Variants in TAMM41 observed in about 807,000 individuals in gnomAD.
TAMM41 encodes the protein phosphatidate cytidylyltransferase, mitochondrial.
In TAMM41, 36 loss-of-function variants were observed where a neutral mutation model predicts 44.1. That is an observed-to-expected ratio of 0.82 (90% CI 0.63 to 1.08). The LOEUF (loss-of-function observed/expected upper bound fraction) is 1.08, where lower values mean the gene tolerates loss of function less well. TAMM41 is among the 50% of genes least tolerant of loss of function. TAMM41 has a pLI of 0.00. For missense variants in TAMM41, 417 were observed against 404.3 expected (o/e 1.03, Z -0.27); for synonymous variants, 164 against 153.1 (o/e 1.07, Z -0.53).
chr3:11,727,448 C>T, the TAMM41 span, among the ~76,000 whole-genome samples: 1 of 152,172 alleles, frequency 6.6e-6, no homozygotes, highest in African/African-American at 2.4e-5. Context: ...GAAGCAACTG[C>T]TTGCTTACAG....
the TAMM41 span, among the ~76,000 whole-genome samples, chr3:11,784,644 G>A: frequency 1.3e-5 from 2 of 152,150 alleles, no homozygotes; most frequent in Non-Finnish European, 2.9e-5. Flanking sequence ...GTGGGTGGTG[G>A]TTAATGTTAT....
chr3:11,748,643 T>C, the TAMM41 span, among the ~76,000 whole-genome samples: 1 of 152,098 alleles, frequency 6.6e-6, no homozygotes, highest in African/African-American at 2.4e-5. Flanking sequence ...CCTCCCAAAG[T>C]GCTGGAATTA....
At chr3:11,828,548 G>T (rs899265126) in intron 4 of TAMM41, among the ~76,000 whole-genome samples, 1 of 152,178 alleles carries the variant, frequency 6.6e-6, no homozygotes, top group Non-Finnish European at 1.5e-5. Flanking sequence ...AGTATGGAAA[G>T]GTAATCACTC....
chr3:11,808,264 C>T, intron 6 of TAMM41: 1 of 1,066,430 alleles, frequency 9.4e-7, no homozygotes, highest in Non-Finnish European at 1.1e-6. Flanking sequence ...CAAATGATTA[C>T]ATCTACGAGA....
Position 11,800,250 on chromosome 3 carries a change from A to G in TAMM41, c.937+7583T>C, listed in dbSNP as rs2124931727. ...CAAGGACAAAAAGAGAAAAAGAAAG[A>G]AAACAAAGAATTTATAAAATAACTT... On this transcript the variant is annotated intron_variant, in intron 7 of 7. Coordinates refer to ENST00000455809, the MANE Select transcript of TAMM41 (RefSeq NM_001284401.2). Among the ~76,000 whole-genome samples, 3 of 152,308 alleles carry G rather than the reference A, an allele frequency of 2.0e-5. No homozygotes were observed. The Middle Eastern group carries it at 0.01, about 518-fold the overall frequency.
chr3:11,749,449 G>A, the TAMM41 span, among the ~76,000 whole-genome samples: 1 of 152,188 alleles, frequency 6.6e-6, no homozygotes, highest in Non-Finnish European at 1.5e-5. Context: ...AGGGTCCCCA[G>A]GAGAGCCCTC....
chr3:11,778,597 A>C, the TAMM41 span, among the ~76,000 whole-genome samples: 1 of 152,146 alleles, frequency 6.6e-6, no homozygotes, highest in Non-Finnish European at 1.5e-5. Context: ...CTGTAAAATA[A>C]CACTTGTTTT....
chr3:11,797,394 G>A (rs901066407), intron 7 of TAMM41, among the ~76,000 whole-genome samples: 1 of 152,158 alleles, frequency 6.6e-6, no homozygotes. Flanking sequence ...CAAGCAATGG[G>A]GAAAGAACTC....
the TAMM41 span, among the ~76,000 whole-genome samples, chr3:11,730,665 C>T: frequency 1.8e-4 from 26 of 148,316 alleles, no homozygotes; most frequent in Middle Eastern, 3.6e-3. Context: ...ACCTGGGAGG[C>T]GGAGGTTGCA....
At chr3:11,787,696 C>G (rs1016264541), downstream of TAMM41, among the ~76,000 whole-genome samples, 2 of 152,132 alleles carry the variant, frequency 1.3e-5, no homozygotes, top group African/African-American at 4.8e-5. Context: ...TTAATTCTAA[C>G]ACCAAACCTG....
chr3:11,820,735 T>C (rs929398864), intron 4 of TAMM41, among the ~76,000 whole-genome samples: 2 of 152,220 alleles, frequency 1.3e-5, no homozygotes, highest in African/African-American at 2.4e-5. Context: ...CCTTGGGAGA[T>C]TTGTTTTCAA....
At chr3:11,733,623 G>C in the TAMM41 span, among the ~76,000 whole-genome samples, 1 of 151,980 alleles carries the variant, frequency 6.6e-6, no homozygotes, top group African/African-American at 2.4e-5. Context: ...CTCCTGAGTA[G>C]CTGGGACTAC....
chr3:11,737,107 T>G, the TAMM41 span, among the ~76,000 whole-genome samples: 32 of 152,090 alleles, frequency 2.1e-4, no homozygotes, highest in Non-Finnish European at 3.7e-4. Flanking sequence ...TTCTCCAGCC[T>G]TCCCATCTGT....
the TAMM41 span, among the ~76,000 whole-genome samples, chr3:11,743,552 C>T: frequency 8.6e-5 from 13 of 152,018 alleles, no homozygotes; most frequent in Non-Finnish European, 1.5e-5. Flanking sequence ...AGGCTGGTCT[C>T]GAACTCCTGA....
chr3:11,779,137 C>A, the TAMM41 span, among the ~76,000 whole-genome samples: 1 of 152,262 alleles, frequency 6.6e-6, no homozygotes, highest in South Asian at 2.1e-4. Flanking sequence ...GAGCCTGGCA[C>A]CCGCCTTTTC....
At chr3:11,788,599 T>C (rs1008622961), downstream of TAMM41, among the ~76,000 whole-genome samples, 9 of 152,244 alleles carry the variant, frequency 5.9e-5, no homozygotes, top group African/African-American at 1.9e-4. Flanking sequence ...TATTTTGGGT[T>C]CTGAAGGAAA....
chr3:11,724,111 A>T, the TAMM41 span, among the ~76,000 whole-genome samples: 12 of 150,466 alleles, frequency 8.0e-5, no homozygotes, highest in South Asian at 6.3e-4. Context: ...TTATTTATTT[A>T]TTTTTTATTT....
the TAMM41 span, among the ~76,000 whole-genome samples, chr3:11,776,325 A>ATT: frequency 2.7e-5 from 4 of 150,636 alleles, no homozygotes; most frequent in Non-Finnish European, 3.0e-5. Context: ...GCCATTTAAA[A>ATT]TTTTTTTTTT....
At chr3:11,803,070 A>G (rs1188971563) in intron 7 of TAMM41, among the ~76,000 whole-genome samples, 1 of 152,190 alleles carries the variant, frequency 6.6e-6, no homozygotes, top group Non-Finnish European at 1.5e-5. Context: ...TCAGGAATTC[A>G]AGGCCAGCCT....
Sources: allele counts gnomAD v4.1 joint callset (sites outside exome capture counted in the v4.1 genomes callset), GRCh38; gene constraint gnomAD v4.1.1; transcripts MANE v1.5; gene names NCBI Gene and HGNC (gene_info 2026-07-23, HGNC 2026-07-21).